The following ADAMTSL1 variants were observed in gnomAD, a reference collection of about 807,000 sequenced individuals.
The protein encoded by ADAMTSL1 is ADAMTS like 1.
Under a neutral mutation model 201.8 loss-of-function variants are expected in ADAMTSL1, and 126 were observed. The ratio of observed to expected loss-of-function variants is 0.62; its 90% CI spans 0.54 to 0.72. The LOEUF (loss-of-function observed/expected upper bound fraction) is 0.72, where lower values mean the gene tolerates loss of function less well. ADAMTSL1 is among the 30% of genes least tolerant of loss of function. The pLI is 0.00. For missense variants in ADAMTSL1, 2,679 were observed against 2,277.8 expected (o/e 1.18, Z -3.59); for synonymous variants, 1,121 against 903.4 (o/e 1.24, Z -4.32).
chr9:18,762,784 A>T (rs1265261562), intron 16 of ADAMTSL1, among the ~76,000 whole-genome samples: 1 of 152,166 alleles, frequency 6.6e-6, no homozygotes, highest in African/African-American at 2.4e-5. Flanking sequence ...TATTTCAGTT[A>T]ACATAATAAC....
intron 2 of ADAMTSL1, among the ~76,000 whole-genome samples, chr9:18,347,677 C>T (rs1011111215): frequency 3.9e-5 from 6 of 152,166 alleles, no homozygotes; most frequent in Non-Finnish European, 1.5e-5. Flanking sequence ...ATCAGTTGGG[C>T]ATGTCCTAGA....
intron 1 of ADAMTSL1, among the ~76,000 whole-genome samples, chr9:18,091,786 T>A (rs1205151934): frequency 6.6e-6 from 1 of 151,990 alleles, no homozygotes. Flanking sequence ...TAAAGCACAG[T>A]CCCTTCCATC....
intron 1 of ADAMTSL1, among the ~76,000 whole-genome samples, chr9:18,064,737 T>C (rs771439595): frequency 1.1e-4 from 17 of 152,088 alleles, no homozygotes; most frequent in Non-Finnish European, 2.2e-4. Flanking sequence ...TTGTGCCCTT[T>C]AATTTGTAAA....
At chr9:18,712,158 C>A (rs1832656511) in intron 14 of ADAMTSL1, among the ~76,000 whole-genome samples, 1 of 152,124 alleles carries the variant, frequency 6.6e-6, no homozygotes, top group African/African-American at 2.4e-5. Flanking sequence ...AAAAACAGAA[C>A]AGAAAAACTG....
At chr9:18,805,188 C>T (rs530457636) in intron 20 of ADAMTSL1, among the ~76,000 whole-genome samples, 1 of 152,176 alleles carries the variant, frequency 6.6e-6, no homozygotes, top group African/African-American at 2.4e-5. Context: ...ACAAGGCCAG[C>T]CATGGTGTGA....
chr9:18,406,626 C>T (rs1303271052), intron 2 of ADAMTSL1, among the ~76,000 whole-genome samples: 2 of 152,108 alleles, frequency 1.3e-5, no homozygotes, highest in Non-Finnish European at 2.9e-5. Context: ...CCACCATGCC[C>T]AGCCAAGACA....
intron 1 of ADAMTSL1, among the ~76,000 whole-genome samples, chr9:17,995,913 C>T (rs1485765601): frequency 6.6e-6 from 1 of 151,830 alleles, no homozygotes; most frequent in African/African-American, 2.4e-5. Context: ...TCAATTTCCT[C>T]ATCTCTAAAA....
At chr9:18,562,168 T>C (rs1042550559) in intron 3 of ADAMTSL1, among the ~76,000 whole-genome samples, 2 of 152,210 alleles carry the variant, frequency 1.3e-5, no homozygotes, top group Non-Finnish European at 1.5e-5. Context: ...ACCGGTTTTT[T>C]CTTTCCATGT....
chr9:18,777,077 G>C lies in ADAMTSL1; in HGVS notation c.2848G>C (p.Gly950Arg). 1 of 1,613,276 alleles carries C rather than the reference G, an allele frequency of 6.2e-7. No individual in the cohort carries two copies. Among genetic ancestry groups the C allele is most frequent in the Non-Finnish European group, 8.5e-7 (1 of 1,179,800 alleles). Residue 950 changes from glycine to arginine, a missense_variant, in exon 19 of 29, where the codon GGC becomes CGC. Physicochemically the swap from Gly to Arg is moderately radical, Grantham distance 125. Transcript: ENST00000380548. Reference protein sequence around the residue: ...SDAGVYTCSAGPAREHFVIKL... With the variant: ...SDAGVYTCSARPAREHFVIKL... ...TGCAGGCGTCTACACCTGCTCAGCG[G>C]GCCCGGCCCGGGAGCACTTTGTGAT...
At chr9:18,764,457 C>T (rs998677963) in intron 16 of ADAMTSL1, among the ~76,000 whole-genome samples, 1 of 152,192 alleles carries the variant, frequency 6.6e-6, no homozygotes, top group African/African-American at 2.4e-5. Context: ...AATTTGACTT[C>T]TTTCTTTCCA....
chr9:18,184,809 C>CGTATTAAATA (rs760481238), intron 2 of ADAMTSL1, among the ~76,000 whole-genome samples: 1 of 152,290 alleles, frequency 6.6e-6, no homozygotes, highest in Middle Eastern at 3.4e-3. Flanking sequence ...CTAAAAATCA[C>CGTATTAAATA]GTATTAAATA....
chr9:18,616,000 C>T (rs1825678750), intron 4 of ADAMTSL1, among the ~76,000 whole-genome samples: 1 of 152,104 alleles, frequency 6.6e-6, no homozygotes, highest in Non-Finnish European at 1.5e-5. Flanking sequence ...TGCTCTTTAC[C>T]TGGATGATTT....
chr9:18,762,708 T>C (rs893423843), intron 16 of ADAMTSL1, among the ~76,000 whole-genome samples: 1 of 151,758 alleles, frequency 6.6e-6, no homozygotes, highest in South Asian at 2.1e-4. Flanking sequence ...ATGAGTTCAA[T>C]TGTTTTGATT....
intron 23 of ADAMTSL1, among the ~76,000 whole-genome samples, chr9:18,867,491 A>C (rs1189023773): frequency 6.6e-6 from 1 of 152,210 alleles, no homozygotes; most frequent in Non-Finnish European, 1.5e-5. Context: ...TATACAAAAT[A>C]AACCTGATGG....
At chr9:18,139,754 T>C (rs1323308663) in intron 1 of ADAMTSL1, among the ~76,000 whole-genome samples, 1 of 152,182 alleles carries the variant, frequency 6.6e-6, no homozygotes, top group East Asian at 1.9e-4. Flanking sequence ...ACAATTTTTT[T>C]CCCACTCATA....
intron 9 of ADAMTSL1, among the ~76,000 whole-genome samples, chr9:18,672,961 A>G (rs1478739160): frequency 2.0e-5 from 3 of 152,224 alleles, no homozygotes; most frequent in South Asian, 2.1e-4. Flanking sequence ...TGTAAGAGAA[A>G]CAATGTAAGA....
At chr9:18,473,933 C>A (rs184365154), upstream of ADAMTSL1, 5 of 388,544 alleles carry the variant, frequency 1.3e-5, no homozygotes, top group East Asian at 1.7e-4. Context: ...CTTTCTTTTT[C>A]GTCCTTTTCC....
intron 2 of ADAMTSL1, among the ~76,000 whole-genome samples, chr9:18,340,542 C>A (rs1329490127): frequency 4.6e-5 from 7 of 152,086 alleles, no homozygotes; most frequent in Admixed American, 6.6e-5. Context: ...TCTATTAAGT[C>A]TATGATATGT....
intron 1 of ADAMTSL1, among the ~76,000 whole-genome samples, chr9:18,127,294 C>T (rs75788277): frequency 0.026 from 3,926 of 152,200 alleles, 73 homozygotes; most frequent in Non-Finnish European, 0.041. Flanking sequence ...CCTAGACCAC[C>T]TGATGGATTA....
Sources: allele counts gnomAD v4.1 joint callset (sites outside exome capture counted in the v4.1 genomes callset), GRCh38; gene constraint gnomAD v4.1.1; transcripts MANE v1.5; gene names NCBI Gene and HGNC (gene_info 2026-07-23, HGNC 2026-07-21).